Variants in FSIP2 observed in about 807,000 individuals in gnomAD.
The protein encoded by FSIP2 is fibrous sheath interacting protein 2, also known as fibrous sheath-interacting protein 2.
Under a neutral mutation model 510.5 loss-of-function variants are expected in FSIP2, and 367 were observed. The ratio of observed to expected loss-of-function variants is 0.72; its 90% CI spans 0.66 to 0.78. FSIP2 has a LOEUF of 0.78. Among genes scored for constraint, FSIP2 ranks in the 30% least tolerant of loss-of-function variants. The pLI, the probability that FSIP2 is intolerant of heterozygous loss-of-function variation, is 0.00. For synonymous variants in FSIP2, 2,601 were observed against 2,732.2 expected, an observed-to-expected ratio of 0.95 and a Z score of 1.50; for missense variants, 7,594 against 7,901.7, an observed-to-expected ratio of 0.96 and a Z score of 1.48.
rs950123146 is a variant in FSIP2 at position 185,791,381 on chromosome 2, C to T, written c.4245C>T (p.His1415=). ...FHKYLATPCT[H]HSVNGGNHIK... ...AATATTTGGCTACTCCTTGTACTCA[C>T]CACAGTGTCAATGGTGGAAACCATA... Residue 1415 remains histidine (H), a synonymous_variant, in exon 16 of 23, where the codon CAC becomes CAT. Coordinates refer to ENST00000424728, the MANE Select transcript of FSIP2 (RefSeq NM_173651.4). 7.2e-6 allele frequency: 11 copies of T among 1,533,980 alleles called. No homozygotes were observed. Among genetic ancestry groups the T allele is most frequent in the African/African-American group, 5.5e-5 (4 of 72,872 alleles).
Position 185,750,077 on chromosome 2 carries a change from T to G in FSIP2, c.870+2654T>G, listed in dbSNP as rs569310703. On this transcript the variant is annotated intron_variant, in intron 7 of 22. Coordinates refer to ENST00000424728, the MANE Select transcript of FSIP2 (RefSeq NM_173651.4). ...TGTTGTATTAAATTTGCCAACATTT[T>G]GTTTAGAATTTTGCACTAGAGATGT... Among the ~76,000 whole-genome samples the G allele has an allele frequency of 2.4e-4, 36 of 151,886 alleles. 1 individual carries two copies. Among genetic ancestry groups the G allele is most frequent in the Middle Eastern group, 3.4e-3 (1 of 294 alleles).
At chr2:185,775,514 C>T (rs570874159) in intron 13 of FSIP2, among the ~76,000 whole-genome samples, 1 of 151,790 alleles carries the variant, frequency 6.6e-6, no homozygotes, top group East Asian at 1.9e-4. Context: ...AAAATTTTCT[C>T]CCATTTTGTA....
At chr2:185,767,263 A>G (rs1353650128) in intron 13 of FSIP2, among the ~76,000 whole-genome samples, 1 of 150,996 alleles carries the variant, frequency 6.6e-6, no homozygotes, top group Non-Finnish European at 1.5e-5. Context: ...GCACATGTAT[A>G]CATATGTAAC....
rs1693780904 is a variant in FSIP2 at position 185,813,715 on chromosome 2, T to C, written c.19998T>C (p.Asp6666=). ...AAGAGGAACGAGATTCTGATGAAGA[T>C]GAAGTTGTTTTAACACAGACTTTTG... is the stretch of plus-strand genomic sequence containing the variant. ...YIKEERDSDE[D]EVVLTQTFAK... Residue 6666 remains aspartate (D), a synonymous_variant, in exon 18 of 23, where the codon GAT becomes GAC. Transcript: ENST00000424728. The C allele has an allele frequency of 2.5e-6, 4 of 1,610,638 alleles. No homozygotes were observed. The highest frequency in any genetic ancestry group is 2.7e-5 in the African/African-American group (2 of 74,704).
In FSIP2 at chr2:185,801,530, T is replaced by C. The variant is rs1477031343; in HGVS notation, c.12224T>C (p.Ile4075Thr). The C allele has an allele frequency of 5.9e-6, 9 of 1,534,128 alleles. No homozygotes were observed. The highest frequency in any genetic ancestry group is 7.0e-6 in the Non-Finnish European group (8 of 1,145,524). ...AATCCGGTATACGACAATGCCTCAATAGCAGAACAAATAACAAATGGCATA... is the reference window on the plus strand; with the variant it reads ...AATCCGGTATACGACAATGCCTCAACAGCAGAACAAATAACAAATGGCATA... ...GNNPVYDNAS[I>T]AEQITNGILL... is the part of the protein sequence containing the mutation. The change falls in exon 17 of 23, where the codon ATA (isoleucine) becomes ACA (threonine). Residue 4075 changes from isoleucine to threonine, a missense_variant. Ile to Thr is a moderately conservative substitution (Grantham distance 89, BLOSUM62 -1). Transcript: ENST00000424728.
In FSIP2 at chr2:185,792,021, G is replaced by A; in HGVS notation, c.4885G>A (p.Asp1629Asn). ...WEYESTNISR[D>N]THEASFLSAL... ...ATATGAAAGCACCAATATTTCCAGA[G>A]ACACACATGAAGCATCATTTCTGTC... The change falls in exon 16 of 23, where the codon GAC becomes AAC. Residue 1629 changes from aspartate to asparagine, a missense_variant. By Grantham distance (23) the Asp-to-Asn change is conservative. Transcript: ENST00000424728. The A allele has an allele frequency of 6.5e-7, 1 of 1,533,944 alleles. No homozygotes were observed. Among genetic ancestry groups the A allele is most frequent in the Admixed American group, 2.0e-5 (1 of 50,832 alleles).
intron 13 of FSIP2, among the ~76,000 whole-genome samples, chr2:185,766,973 GA>G (rs1333024709): frequency 8.4e-6 from 1 of 118,922 alleles, no homozygotes. Context: ...ATACACCATG[GA>G]ATACTATGCA....
Position 185,792,666 on chromosome 2 carries a change from G to A in FSIP2, c.5530G>A (p.Asp1844Asn). 1 of 1,533,546 alleles carries A rather than the reference G, an allele frequency of 6.5e-7. No individual in the cohort carries two copies. Among genetic ancestry groups the A allele is most frequent in the South Asian group, 1.2e-5 (1 of 83,990 alleles). 95.0% of individuals were successfully genotyped at this position (1,533,546 alleles called of 1,614,324 possible). The change falls in exon 16 of 23, where the codon GAT becomes AAT. Residue 1844 changes from aspartate to asparagine, a missense_variant. Asp to Asn is a conservative substitution (Grantham distance 23). Coordinates refer to ENST00000424728, the MANE Select transcript of FSIP2 (RefSeq NM_173651.4). ...GGAAGCAGATATAACCATAGTAACA[G>A]ATAATATTGTTAGGACTGTATTTCA... is the stretch of plus-strand genomic sequence containing the variant. ...LSEADITIVT[D>N]NIVRTVFHKL...
At position 185,751,712 on chromosome 2, in the gene FSIP2, G is replaced by A. The variant is rs181693729; in HGVS notation, c.871-2010G>A. ...TTAATGATCCCTTTGTATCTATTTTGTATATTGCTTCTTTGTTTGAAATTT... is the reference window on the plus strand; with the variant it reads ...TTAATGATCCCTTTGTATCTATTTTATATATTGCTTCTTTGTTTGAAATTT... On this transcript the variant is annotated intron_variant, in intron 7 of 22. Coordinates refer to ENST00000424728, the MANE Select transcript of FSIP2 (RefSeq NM_173651.4). Among the ~76,000 whole-genome samples, 801 of 150,556 alleles carry A rather than the reference G, an allele frequency of 5.3e-3. 2 individuals are homozygous for A. The highest frequency in any genetic ancestry group is 0.017 in the Middle Eastern group (5 of 294).
In FSIP2 at chr2:185,802,465, C is replaced by T. The variant is rs1407207567; in HGVS notation, c.13159C>T (p.Leu4387=). The T allele has an allele frequency of 2.0e-6, 3 of 1,533,744 alleles. No individual in the cohort carries two copies. In the African/African-American group the frequency reaches 4.1e-5, roughly 21 times the overall value. Residue 4387 remains leucine (L), a synonymous_variant, in exon 17 of 23, where the codon CTA becomes TTA. Transcript: ENST00000424728. ...TAGAAATGCTTTAAAGCAGCATGGG[C>T]TAGACCTTGCTGTTGATAAAGAGTC... The part of the protein sequence containing the change: ...VYRNALKQHG[L]DLAVDKESED...
At chr2:185,766,657 G>C (rs892204932) in intron 13 of FSIP2, 10 of 151,196 alleles carry the variant, frequency 6.6e-5, no homozygotes, top group Non-Finnish European at 1.5e-4. Context: ...GCATTAAAAA[G>C]TCAGGAAACA....
At chr2:185,760,528 TAAAC>T (rs1441702216) in intron 9 of FSIP2, among the ~76,000 whole-genome samples, 2 of 148,116 alleles carry the variant, frequency 1.4e-5, no homozygotes, top group African/African-American at 4.9e-5. Flanking sequence ...TATAAACAAG[TAAAC>T]TAAATAAATA....
rs1693593770 is a variant in FSIP2, at chr2:185,806,864, A to C, written c.17558A>C (p.Asn5853Thr). ...QIKVFRPDKG[N>T]QFPGGKVSSV... is the part of the protein sequence containing the mutation. ...AAGGTTTTCAGGCCAGATAAGGGAA[A>C]TCAGTTCCCTGGGGGTAAAGTGTCT... Residue 5853 changes from asparagine (N) to threonine (T), a missense_variant, in exon 17 of 23, where the codon AAT (asparagine) becomes ACT (threonine). Coordinates refer to ENST00000424728, the MANE Select transcript of FSIP2 (RefSeq NM_173651.4). The C allele has an allele frequency of 1.2e-6, 2 of 1,608,604 alleles. No homozygotes were observed. Among genetic ancestry groups the C allele is most frequent in the Admixed American group, 1.7e-5 (1 of 58,974 alleles).
Position 185,790,368 on chromosome 2 carries a change from G to A in FSIP2, c.3232G>A (p.Glu1078Lys), listed in dbSNP as rs1693091209. The A allele has an allele frequency of 1.3e-6, 2 of 1,529,598 alleles. No individual in the cohort carries two copies. Among genetic ancestry groups the A allele is most frequent in the Admixed American group, 2.0e-5 (1 of 49,946 alleles). The allele number at this position is 1,529,598 out of a possible 1,614,324, so 94.8% of individuals were successfully genotyped here. ...LKTEPPSTNHEDILKKKLSSN... is the reference protein window; with the variant it reads ...LKTEPPSTNHKDILKKKLSSN... ...GACTGAGCCACCATCTACTAATCATGAAGATATTTTAAAGAAAAAACTTTC... is the reference window on the plus strand; with the variant it reads ...GACTGAGCCACCATCTACTAATCATAAAGATATTTTAAAGAAAAAACTTTC... The change falls in exon 16 of 23, where the codon GAA becomes AAA. Residue 1078 changes from glutamate (E) to lysine (K), a missense_variant. Glu to Lys is a moderately conservative substitution (Grantham distance 56). Coordinates refer to ENST00000424728, the MANE Select transcript of FSIP2 (RefSeq NM_173651.4).
In FSIP2 at chr2:185,790,583, A is replaced by G. The variant is rs1444975318; in HGVS notation, c.3447A>G (p.Ser1149=). 6.5e-7 allele frequency: 1 copy of G among 1,533,864 alleles called. No homozygotes were observed. Among genetic ancestry groups the G allele is most frequent in the Admixed American group, 2.0e-5 (1 of 50,782 alleles). Residue 1149 remains serine, a synonymous_variant, in exon 16 of 23, where the codon TCA becomes TCG. Transcript: ENST00000424728. Reference sequence around the variant, plus strand: ...TTTCAGAAAAGCCTCAAGGACTGTCACATCAAGAATGGATAGACCAGATGT... The same window carrying G: ...TTTCAGAAAAGCCTCAAGGACTGTCGCATCAAGAATGGATAGACCAGATGT... The part of the protein sequence containing the change: ...VLVSEKPQGL[S]HQEWIDQMFS...
Position 185,801,271 on chromosome 2 carries a change from A to T in FSIP2, c.11965A>T (p.Met3989Leu). The T allele has an allele frequency of 6.5e-7, 1 of 1,533,852 alleles. No homozygotes were observed. The highest frequency in any genetic ancestry group is 2.4e-5 in the East Asian group (1 of 40,826). Residue 3989 changes from methionine (M) to leucine (L), a missense_variant, in exon 17 of 23, where the codon ATG (methionine) becomes TTG (leucine). Met to Leu is a conservative substitution (Grantham distance 15). Transcript: ENST00000424728. Reference sequence around the variant, plus strand: ...TTCAGAATTGTTTTTTAATCTCTCTATGTCATTGTGGGGCAAAAATAAAAA... The same window carrying T: ...TTCAGAATTGTTTTTTAATCTCTCTTTGTCATTGTGGGGCAAAAATAAAAA... The part of the protein sequence containing the change: ...IISELFFNLS[M>L]SLWGKNKNIT...
At chr2:185,781,224 C>T (rs1367894701) in intron 13 of FSIP2, among the ~76,000 whole-genome samples, 1 of 152,104 alleles carries the variant, frequency 6.6e-6, no homozygotes, top group Non-Finnish European at 1.5e-5. Flanking sequence ...ACCTATACAA[C>T]CATTCCGTTT....
At position 185,808,081 on chromosome 2, in the gene FSIP2, A is replaced by T. The variant is rs368494295; in HGVS notation, c.18775A>T (p.Ser6259Cys). The T allele has an allele frequency of 1.2e-6, 2 of 1,607,766 alleles. No homozygotes were observed. Among genetic ancestry groups the T allele is most frequent in the South Asian group, 2.2e-5 (2 of 89,628 alleles). ...IENIVNSIYT[S>C]VLKHSGSYTS... ...AAACATAGTTAATTCTATTTATACC[A>T]GTGTTTTAAAGCACTCTGGCTCTTA... The change falls in exon 17 of 23, where the codon AGT becomes TGT. Residue 6259 changes from serine to cysteine, a missense_variant. Coordinates refer to ENST00000424728, the MANE Select transcript of FSIP2 (RefSeq NM_173651.4).
In FSIP2 at chr2:185,793,467, C is replaced by T. The variant is rs1231900461; in HGVS notation, c.6331C>T (p.Leu2111Phe). Reference protein sequence around the residue: ...IYEKTLFQNNLSFATPTLKCS... With the variant: ...IYEKTLFQNNFSFATPTLKCS... Reference sequence around the variant, plus strand: ...TGAAAAAACCCTGTTTCAGAATAATCTCTCATTTGCCACACCCACTCTGAA... The same window carrying T: ...TGAAAAAACCCTGTTTCAGAATAATTTCTCATTTGCCACACCCACTCTGAA... Residue 2111 changes from leucine (L) to phenylalanine (F), a missense_variant, in exon 16 of 23, where the codon CTC (leucine) becomes TTC (phenylalanine). Coordinates refer to ENST00000424728, the MANE Select transcript of FSIP2 (RefSeq NM_173651.4). 2.0e-6 allele frequency: 3 copies of T among 1,534,386 alleles called. No homozygotes were observed. The highest frequency in any genetic ancestry group is 1.7e-6 in the Non-Finnish European group (2 of 1,145,658).
Sources: allele counts gnomAD v4.1 joint callset (sites outside exome capture counted in the v4.1 genomes callset), GRCh38; gene constraint gnomAD v4.1.1; transcripts MANE v1.5; gene names NCBI Gene and HGNC (gene_info 2026-07-23, HGNC 2026-07-21).